CCDC85C: variants seen among roughly 807,000 people sequenced by gnomAD.
CCDC85C encodes coiled-coil domain-containing protein 85C.
A neutral mutation model predicts 38.3 loss-of-function variants in CCDC85C; 18 were observed. The ratio of observed to expected loss-of-function variants is 0.47; its 90% CI spans 0.33 to 0.70. CCDC85C has a LOEUF of 0.70. Ranked by LOEUF, CCDC85C falls within the 30% of genes least tolerant of loss-of-function variation. CCDC85C has a pLI of 0.03. For synonymous variants in CCDC85C, 264 were observed against 293.8 expected (o/e 0.90, Z 1.04); for missense variants, 566 against 621.2 (o/e 0.91, Z 0.94).
In CCDC85C at chr14:99,568,855, A is replaced by C. The variant is rs146889488; in HGVS notation, c.794-32767T>G. On this transcript the variant is annotated intron_variant, in intron 1 of 5. Coordinates refer to ENST00000380243, the MANE Select transcript of CCDC85C (RefSeq NM_001144995.2). ...CAGGCCATCAACAATGTGGAGAGTC[A>C]GCATGTCACAGACAGAAAGGGAACC... 2.7e-3 allele frequency among the ~76,000 whole-genome samples: 418 copies of C among 152,378 alleles called. 1 individual carries two copies. Among genetic ancestry groups the C allele is most frequent in the Non-Finnish European group, 3.9e-3 (264 of 68,030 alleles).
rs763399799 is a variant in CCDC85C, at chr14:99,513,316, C to T, written c.*1930G>A. 6.6e-6 allele frequency: 1 copy of T among 152,234 alleles called. No individual in the cohort carries two copies. Among genetic ancestry groups the T allele is most frequent in the Non-Finnish European group, 1.5e-5 (1 of 68,040 alleles). 9.4% of individuals were successfully genotyped at this position (152,234 alleles called of 1,614,324 possible). A position where few individuals can be genotyped will look rare whatever the true frequency, so the allele number is the denominator to read the frequency against. On this transcript the variant is annotated 3_prime_UTR_variant, in exon 6 of 6. Coordinates refer to ENST00000380243, the MANE Select transcript of CCDC85C (RefSeq NM_001144995.2). ...CTGCGGTTCTTTGGACTGCAAGACC[C>T]AGAGGGGCCTCTGCTCAGCTGCCCA...
Position 99,566,431 on chromosome 14 carries a change from G to T in CCDC85C, c.794-30343C>A, listed in dbSNP as rs891579897. On this transcript the variant is annotated intron_variant, in intron 1 of 5. Transcript: ENST00000380243. ...AAGATTTTGAATCCAGGGCTGACTG[G>T]CTCACAGCCGGGATCTTCAGGGATA... Among the ~76,000 whole-genome samples, 3 of 152,134 alleles carry T rather than the reference G, an allele frequency of 2.0e-5. No homozygotes were observed. In the East Asian group the frequency reaches 5.8e-4, roughly 29 times the overall value.
intron 1 of CCDC85C, among the ~76,000 whole-genome samples, chr14:99,552,568 AG>A (rs1431547062): frequency 5.3e-5 from 8 of 152,234 alleles, no homozygotes; most frequent in Non-Finnish European, 1.0e-4. Context: ...GCACCCTGAA[AG>A]CCCCCTTCTG....
At chr14:99,581,097 C>G (rs1368551403) in intron 1 of CCDC85C, among the ~76,000 whole-genome samples, 1 of 152,084 alleles carries the variant, frequency 6.6e-6, no homozygotes, top group African/African-American at 2.4e-5. Flanking sequence ...AGCTGGGAGG[C>G]TGGTTCCACG....
rs529238819 is a variant in CCDC85C at position 99,601,800 on chromosome 14, GT to G, written c.793+1366del. Among the ~76,000 whole-genome samples the G allele has an allele frequency of 1.6e-3, 244 of 152,242 alleles. 1 individual carries two copies. The highest frequency in any genetic ancestry group is 5.5e-3 in the African/African-American group (229 of 41,528). ...AGTTGTAGCCATAGATTGCTAATCA[GT>G]AACAAAATATCCCTCTAAACCCAGT... On this transcript the variant is annotated intron_variant, in intron 1 of 5. Transcript: ENST00000380243.
At chr14:99,577,282 G>A (rs955985302) in intron 1 of CCDC85C, among the ~76,000 whole-genome samples, 5 of 151,608 alleles carry the variant, frequency 3.3e-5, no homozygotes, top group African/African-American at 1.2e-4. Context: ...CGGTTTCACA[G>A]CTCTGCAGGA....
rs981859853 is a variant in CCDC85C, at chr14:99,569,364, C to T, written c.794-33276G>A. ...CTGCTGGGCCAGTGGGGTGTGTGCT[C>T]GGCTCCACCAGACAGTATTCCAAAG... On this transcript the variant is annotated intron_variant, in intron 1 of 5. Transcript: ENST00000380243. The surrounding 1 kb of genome is among the most constrained non-coding windows in gnomAD (Gnocchi z 4.3). 1.3e-5 allele frequency among the ~76,000 whole-genome samples: 2 copies of T among 152,116 alleles called. No homozygotes were observed. The highest frequency in any genetic ancestry group is 1.5e-5 in the Non-Finnish European group (1 of 68,004).
At chr14:99,585,632 T>C (rs975897857) in intron 1 of CCDC85C, among the ~76,000 whole-genome samples, 2 of 152,224 alleles carry the variant, frequency 1.3e-5, no homozygotes, top group African/African-American at 4.8e-5. Flanking sequence ...GCCCATACAA[T>C]GGGATGACTG....
rs1023229603 is a variant in CCDC85C, at chr14:99,503,041, C to G, written c.*12205G>C. 5.1e-6 allele frequency: 8 copies of G among 1,568,908 alleles called. No homozygotes were observed. The Admixed American group carries it at 6.7e-5, about 13-fold the overall frequency. Reference sequence around the variant, plus strand: ...CAGGCTTTCCAGGTGGCGGCAACACCTGAGCACTGTTCCCATTTCTAAGCG... The same window carrying G: ...CAGGCTTTCCAGGTGGCGGCAACACGTGAGCACTGTTCCCATTTCTAAGCG... On this transcript the variant is annotated 3_prime_UTR_variant, in exon 6 of 6. Transcript: ENST00000380243.
intron 1 of CCDC85C, among the ~76,000 whole-genome samples, chr14:99,586,472 C>G (rs2055026974): frequency 6.6e-6 from 1 of 152,232 alleles, no homozygotes; most frequent in Non-Finnish European, 1.5e-5. Flanking sequence ...GGGCACTTGT[C>G]TGAGCACCAC....
chr14:99,530,244 G>T (rs1319591834), intron 2 of CCDC85C, among the ~76,000 whole-genome samples: 2 of 152,220 alleles, frequency 1.3e-5, no homozygotes, highest in Non-Finnish European at 2.9e-5. Context: ...CTGGAAAGAG[G>T]GGGTTTCCTC....
intron 1 of CCDC85C, chr14:99,580,196 G>T (rs926152588): frequency 2.2e-6 from 1 of 447,472 alleles, no homozygotes; most frequent in Non-Finnish European, 4.5e-6. Context: ...TGGCTCAGGT[G>T]TGGCCCCGGA....
intron 1 of CCDC85C, among the ~76,000 whole-genome samples, chr14:99,585,695 C>T (rs537484953): frequency 1.3e-5 from 2 of 152,322 alleles, no homozygotes; most frequent in African/African-American, 4.8e-5. Flanking sequence ...GCTGCCTTGT[C>T]GGAGATCGCA....
chr14:99,531,213 G>T (rs896734586), intron 2 of CCDC85C, among the ~76,000 whole-genome samples: 7 of 152,118 alleles, frequency 4.6e-5, no homozygotes, highest in Non-Finnish European at 1.0e-4. Context: ...CCCCAGCCTC[G>T]CTCCCCAAGC....
intron 1 of CCDC85C, chr14:99,580,153 C>A (rs774174503): frequency 1.1e-5 from 5 of 454,668 alleles, no homozygotes; most frequent in South Asian, 7.8e-5. Flanking sequence ...GCAGGCCTGG[C>A]CCCCGGCACA....
At chr14:99,526,893 A>AGCTC (rs1897395680) in intron 2 of CCDC85C, among the ~76,000 whole-genome samples, 2 of 152,132 alleles carry the variant, frequency 1.3e-5, no homozygotes, top group Non-Finnish European at 2.9e-5. Context: ...GGGCCCCAGC[A>AGCTC]GCTCCAGGGG....
At chr14:99,561,523 T>C (rs537092580) in intron 1 of CCDC85C, among the ~76,000 whole-genome samples, 489 of 152,196 alleles carry the variant, frequency 3.2e-3, no homozygotes, top group African/African-American at 0.011. Flanking sequence ...CACTGGAAAA[T>C]CAGGTCATAA....
intron 1 of CCDC85C, among the ~76,000 whole-genome samples, chr14:99,550,200 G>A (rs1442567066): frequency 6.6e-6 from 1 of 152,224 alleles, no homozygotes; most frequent in African/African-American, 2.4e-5. Context: ...CTTTGCAGAT[G>A]AGATCAAGGT....
intron 1 of CCDC85C, among the ~76,000 whole-genome samples, chr14:99,596,991 T>C (rs2055150040): frequency 6.6e-6 from 1 of 152,110 alleles, no homozygotes; most frequent in Admixed American, 6.5e-5. Context: ...ACAGAGGTCA[T>C]GAGAAGGCAG....
Sources: allele counts gnomAD v4.1 joint callset (sites outside exome capture counted in the v4.1 genomes callset), GRCh38; gene constraint gnomAD v4.1.1; non-coding constraint Gnocchi (gnomAD v3.1); transcripts MANE v1.5; gene names NCBI Gene and HGNC (gene_info 2026-07-23, HGNC 2026-07-21).